CACNB2: variants seen among roughly 807,000 people sequenced by gnomAD.
CACNB2 encodes the protein voltage-dependent L-type calcium channel subunit beta-2.
Under a neutral mutation model 73.3 loss-of-function variants are expected in CACNB2, and 42 were observed. The observed-to-expected ratio is 0.57, with a 90% CI of 0.45 to 0.74. The LOEUF is 0.74. Ranked by LOEUF, CACNB2 falls within the 30% of genes least tolerant of loss-of-function variation. The pLI, the probability that CACNB2 is intolerant of heterozygous loss-of-function variation, is 0.00. For synonymous variants in CACNB2, 348 were observed against 310.3 expected, an observed-to-expected ratio of 1.12 and a Z score of -1.28; for missense variants, 940 against 853.0, an observed-to-expected ratio of 1.10 and a Z score of -1.27.
At chr10:18,417,068 T>G (rs1017115914) in intron 3 of CACNB2, among the ~76,000 whole-genome samples, 2 of 150,922 alleles carry the variant, frequency 1.3e-5, no homozygotes, top group Admixed American at 1.3e-4. Flanking sequence ...AATGCATTAA[T>G]GTTTCCTCTT....
At chr10:18,323,792 A>G (rs1435433965) in intron 2 of CACNB2, among the ~76,000 whole-genome samples, 2 of 152,212 alleles carry the variant, frequency 1.3e-5, no homozygotes, top group African/African-American at 4.8e-5. Flanking sequence ...TTATGTTGTT[A>G]ATAGATTTTC....
At chr10:18,394,117 T>G (rs979295572) in intron 2 of CACNB2, among the ~76,000 whole-genome samples, 1 of 152,036 alleles carries the variant, frequency 6.6e-6, no homozygotes, top group Non-Finnish European at 1.5e-5. Flanking sequence ...AATTTTTGTA[T>G]TTTTAGTACA....
intron 3 of CACNB2, among the ~76,000 whole-genome samples, chr10:18,458,442 T>C (rs951095872): frequency 2.0e-5 from 3 of 152,250 alleles, no homozygotes; most frequent in Non-Finnish European, 4.4e-5. Context: ...CTGTTTCATT[T>C]ACTGTATGCT....
chr10:18,346,676 A>C (rs930891985), intron 2 of CACNB2, among the ~76,000 whole-genome samples: 1 of 151,916 alleles, frequency 6.6e-6, no homozygotes, highest in African/African-American at 2.4e-5. Context: ...AGCTTACTGC[A>C]ACCTCCGCCT....
intron 2 of CACNB2, among the ~76,000 whole-genome samples, chr10:18,287,872 A>G (rs1432810350): frequency 6.6e-6 from 1 of 152,112 alleles, no homozygotes; most frequent in Non-Finnish European, 1.5e-5. Flanking sequence ...AAACAAAAAA[A>G]CAGAGGTGTT....
At chr10:18,470,184 A>G (rs765870839) in intron 3 of CACNB2, among the ~76,000 whole-genome samples, 2 of 151,576 alleles carry the variant, frequency 1.3e-5, no homozygotes, top group African/African-American at 4.8e-5. Context: ...TAAAATCCAC[A>G]TTAAAAAGAA....
At chr10:18,366,344 A>C (rs922995083) in intron 2 of CACNB2, among the ~76,000 whole-genome samples, 1 of 151,926 alleles carries the variant, frequency 6.6e-6, no homozygotes, top group Non-Finnish European at 1.5e-5. Flanking sequence ...GGGCACCTGT[A>C]ATCCTAGCTC....
intron 2 of CACNB2, among the ~76,000 whole-genome samples, chr10:18,190,093 C>T (rs918763740): frequency 1.3e-5 from 2 of 152,108 alleles, no homozygotes; most frequent in African/African-American, 4.8e-5. Context: ...GATTCTCTTA[C>T]CCCCGAAGCC....
rs774316336 is a variant in CACNB2 at position 18,498,515 on chromosome 10, T to C, written c.456+38T>C. On this transcript the variant is annotated intron_variant, in intron 4 of 13. Transcript: ENST00000324631. ...ATTTCATTTTCTAACAGCATGATGT[T>C]TCACCTTGACATACCATTTCTTATT... The C allele has an allele frequency of 2.4e-5, 38 of 1,607,452 alleles. No individual in the cohort carries two copies. In the Admixed American group the frequency reaches 5.5e-4, roughly 23 times the overall value.
At chr10:18,490,282 A>G (rs1368143717) in intron 3 of CACNB2, among the ~76,000 whole-genome samples, 2 of 152,240 alleles carry the variant, frequency 1.3e-5, no homozygotes, top group Non-Finnish European at 2.9e-5. Flanking sequence ...ACAAACCAAT[A>G]TGCCACAAAC....
intron 3 of CACNB2, among the ~76,000 whole-genome samples, chr10:18,485,615 G>A (rs2049017086): frequency 6.9e-6 from 1 of 145,096 alleles, no homozygotes; most frequent in African/African-American, 2.6e-5. Flanking sequence ...AGGCTGGAGT[G>A]CAGTGGAACA....
intron 3 of CACNB2, among the ~76,000 whole-genome samples, chr10:18,495,778 TA>T (rs1215098731): frequency 1.3e-5 from 2 of 152,040 alleles, no homozygotes; most frequent in Non-Finnish European, 2.9e-5. Flanking sequence ...TGAAATGCAA[TA>T]TGTTATGATT....
chr10:18,204,401 T>C (rs917107586), intron 2 of CACNB2, among the ~76,000 whole-genome samples: 1 of 152,220 alleles, frequency 6.6e-6, no homozygotes. Flanking sequence ...CTAACATTAT[T>C]TGTAGATGTG....
At chr10:18,469,623 A>G (rs1027202516) in intron 3 of CACNB2, among the ~76,000 whole-genome samples, 8 of 152,310 alleles carry the variant, frequency 5.3e-5, no homozygotes, top group East Asian at 1.9e-4. Context: ...CTGTATTACA[A>G]GTAGTTCGGT....
chr10:18,166,913 TAAA>T (rs1564310602), intron 2 of CACNB2, among the ~76,000 whole-genome samples: 1 of 151,860 alleles, frequency 6.6e-6, no homozygotes, highest in African/African-American at 2.4e-5. Flanking sequence ...ATAAATAAAA[TAAA>T]AAAGAAATGC....
chr10:18,270,841 G>C (rs1046434420), intron 2 of CACNB2, among the ~76,000 whole-genome samples: 3 of 151,956 alleles, frequency 2.0e-5, no homozygotes, highest in African/African-American at 4.8e-5. Context: ...TTGTATCTCT[G>C]TTGCCCAGCA....
chr10:18,463,612 T>G (rs571271100), intron 3 of CACNB2, among the ~76,000 whole-genome samples: 8 of 151,722 alleles, frequency 5.3e-5, no homozygotes, highest in Admixed American at 6.6e-5. Flanking sequence ...TTTGTTTTTT[T>G]TTTGTAGAGA....
chr10:18,509,044 C>T (rs1480621946), intron 6 of CACNB2, among the ~76,000 whole-genome samples: 1 of 152,198 alleles, frequency 6.6e-6, no homozygotes, highest in Admixed American at 6.5e-5. Flanking sequence ...CACCAACTTT[C>T]AAGTGACTTT....
chr10:18,457,663 G>C (rs1368251838), intron 3 of CACNB2, among the ~76,000 whole-genome samples: 1 of 152,050 alleles, frequency 6.6e-6, no homozygotes, highest in Admixed American at 6.6e-5. Context: ...GGCTGAGGTG[G>C]GCGGATCACC....
Sources: gnomAD v4.1 joint callset for allele counts (sites outside exome capture counted in the v4.1 genomes callset) on GRCh38, gnomAD v4.1.1 for gene constraint, MANE v1.5 for transcripts, NCBI Gene and HGNC (gene_info 2026-07-23, HGNC 2026-07-21) for gene names.